KLHDC9: variants seen among roughly 807,000 people sequenced by gnomAD.
KLHDC9 encodes kelch domain-containing protein 9.
A neutral mutation model predicts 31.5 loss-of-function variants in KLHDC9; 26 were observed. The ratio of observed to expected loss-of-function variants is 0.83; its 90% CI spans 0.61 to 1.15. The LOEUF (loss-of-function observed/expected upper bound fraction) is 1.15. KLHDC9 is among the 50% of genes most tolerant of loss of function. The probability of loss-of-function intolerance (pLI) is 0.00; values close to 1 mark genes in which losing one functional copy is unlikely to be tolerated. For missense variants in KLHDC9, 437 were observed against 467.7 expected (o/e 0.93, Z 0.61); for synonymous variants, 176 against 184.7 (o/e 0.95, Z 0.38).
Position 161,100,324 on chromosome 1 carries a change from T to C in KLHDC9, c.*100T>C. 1.6e-6 allele frequency: 2 copies of C among 1,272,108 alleles called. No homozygotes were observed. The highest frequency in any genetic ancestry group is 2.4e-5 in the East Asian group (1 of 42,212). The allele number at this position is 1,272,108 out of a possible 1,614,324, so 78.8% of individuals were successfully genotyped here. On this transcript the variant is annotated 3_prime_UTR_variant, in exon 4 of 4. Transcript: ENST00000368011. ...CTATCTGCTTCACTTCAAATGCTTA[T>C]TAAATTTCAATCTGAGACTCAAGAT... is the stretch of plus-strand genomic sequence containing the variant.
chr1:161,098,832 CG>C lies in KLHDC9; in HGVS notation c.300del (p.Ser101LeufsTer7), dbSNP rs760436928. ...GGCTCTGCGTGGTGGGCGGCTGGGA[CG>C]GGTCTCGCCGCTTGGCCACAGTGAC... ...RWLCVVGGWD[G>X]SRRLATVTAL... On this transcript the variant is annotated frameshift_variant, in exon 1 of 4. Coordinates refer to ENST00000368011, the MANE Select transcript of KLHDC9 (RefSeq NM_152366.5). LOFTEE classifies it high-confidence loss of function. The surrounding 1 kb of genome is among the most constrained non-coding windows in gnomAD (Gnocchi z 6.3). 1.3e-6 allele frequency: 2 copies of C among 1,577,648 alleles called. No individual in the cohort carries two copies. The highest frequency in any genetic ancestry group is 2.3e-5 in the South Asian group (2 of 86,928).
chr1:161,100,277 C>A lies in KLHDC9; in HGVS notation c.*53C>A. ...CGTTTTGTTTTGCTTTGTTGCAAAC[C>A]TATAAAGCGTTATCACCAGAGCTAT... On this transcript the variant is annotated 3_prime_UTR_variant, in exon 4 of 4. Coordinates refer to ENST00000368011, the MANE Select transcript of KLHDC9 (RefSeq NM_152366.5). The A allele has an allele frequency of 6.5e-7, 1 of 1,537,842 alleles. No homozygotes were observed. The highest frequency in any genetic ancestry group is 8.9e-7 in the Non-Finnish European group (1 of 1,120,428).
rs1328130226 is a variant in KLHDC9, at chr1:161,099,354, A to G, written c.536A>G (p.Gln179Arg). The G allele has an allele frequency of 5.0e-6, 8 of 1,614,218 alleles. No individual in the cohort carries two copies. The East Asian group carries it at 1.3e-4, about 27-fold the overall frequency. The change falls in exon 2 of 4, where the codon CAA becomes CGA. Residue 179 changes from glutamine (Q) to arginine (R), a missense_variant. Transcript: ENST00000368011. ...DPSARTYCYK[Q>R]EGCHTASRSG... ...TTTCTGCATGTCCACAGCTACAAGC[A>G]AGAAGGCTGCCACACAGCCTCACGC...
At position 161,098,514 on chromosome 1, in the gene KLHDC9, G is replaced by A. The variant is rs1654410886; in HGVS notation, c.-22G>A. 1 of 1,532,052 alleles carries A rather than the reference G, an allele frequency of 6.5e-7. No homozygotes were observed. The highest frequency in any genetic ancestry group is 1.4e-5 in the African/African-American group (1 of 72,372). 94.9% of individuals were successfully genotyped at this position (1,532,052 alleles called of 1,614,324 possible). ...CTCGTTCCAAGCCGCAGACCCCACC[G>A]CCCTCCCTCTCCCCGGGGCCCATGG... On this transcript the variant is annotated 5_prime_UTR_variant, in exon 1 of 4. Transcript: ENST00000368011. The surrounding 1 kb of genome is among the most constrained non-coding windows in gnomAD (Gnocchi z 6.3).
At position 161,098,946 on chromosome 1, in the gene KLHDC9, C is replaced by T. The variant is rs765950201; in HGVS notation, c.411C>T (p.Cys137=). ...CPPAGLSSHT[C]TRISDRELQV... Reference sequence around the variant, plus strand: ...CCGCCGGCCTCAGTAGTCACACCTGCACCCGAATCTCTGACCGAGAGCTGC... The same window carrying T: ...CCGCCGGCCTCAGTAGTCACACCTGTACCCGAATCTCTGACCGAGAGCTGC... Residue 137 remains cysteine, a synonymous_variant, in exon 1 of 4, where the codon TGC becomes TGT. Coordinates refer to ENST00000368011, the MANE Select transcript of KLHDC9 (RefSeq NM_152366.5). This position sits in a 1 kb window ranked among gnomAD's most constrained non-coding sequence, Gnocchi z 6.3. 1.3e-6 allele frequency: 2 copies of T among 1,586,422 alleles called. No homozygotes were observed. The highest frequency in any genetic ancestry group is 2.3e-5 in the South Asian group (2 of 88,508).
Position 161,098,760 on chromosome 1 carries a change from C to T in KLHDC9, c.225C>T (p.Gly75=), listed in dbSNP as rs1326345515. The T allele has an allele frequency of 3.1e-6, 5 of 1,601,304 alleles. No individual in the cohort carries two copies. The highest frequency in any genetic ancestry group is 4.3e-6 in the Non-Finnish European group (5 of 1,173,840). The change falls in exon 1 of 4, where the codon GGC becomes GGT. Residue 75 remains glycine, a synonymous_variant. Transcript: ENST00000368011. This position sits in a 1 kb window ranked among gnomAD's most constrained non-coding sequence, Gnocchi z 6.3. ...RGQAVRLGAR[G]SPPRSHHDAA... is the part of the protein sequence containing the mutation. ...AGGCCGTACGATTGGGAGCCCGGGGCAGCCCCCCGCGCAGTCACCACGACG... is the reference window on the plus strand; with the variant it reads ...AGGCCGTACGATTGGGAGCCCGGGGTAGCCCCCCGCGCAGTCACCACGACG...
rs1292908973 is a variant in KLHDC9, at chr1:161,098,759, G to A, written c.224G>A (p.Gly75Asp). ...RGQAVRLGAR[G>D]SPPRSHHDAA... ...CAGGCCGTACGATTGGGAGCCCGGG[G>A]CAGCCCCCCGCGCAGTCACCACGAC... The change falls in exon 1 of 4, where the codon GGC becomes GAC. Residue 75 changes from glycine to aspartate, a missense_variant. By Grantham distance (94) the Gly-to-Asp change is moderately conservative. Transcript: ENST00000368011. This position sits in a 1 kb window ranked among gnomAD's most constrained non-coding sequence, Gnocchi z 6.3. 1.9e-6 allele frequency: 3 copies of A among 1,601,668 alleles called. No homozygotes were observed. Among genetic ancestry groups the A allele is most frequent in the Admixed American group, 1.7e-5 (1 of 58,362 alleles).
At position 161,098,920 on chromosome 1, in the gene KLHDC9, C is replaced by A. The variant is rs769322898; in HGVS notation, c.385C>A (p.Pro129Thr). ...AWTGTPGDCP[P>T]AGLSSHTCTR... The stretch of plus-strand genomic sequence containing the variant: ...GACAGGGACCCCTGGTGACTGCCCC[C>A]CCGCCGGCCTCAGTAGTCACACCTG... Residue 129 changes from proline (P) to threonine (T), a missense_variant, in exon 1 of 4, where the codon CCC becomes ACC. Coordinates refer to ENST00000368011, the MANE Select transcript of KLHDC9 (RefSeq NM_152366.5). This position sits in a 1 kb window ranked among gnomAD's most constrained non-coding sequence, Gnocchi z 6.3. The A allele has an allele frequency of 2.5e-6, 4 of 1,572,076 alleles. No homozygotes were observed. Among genetic ancestry groups the A allele is most frequent in the Non-Finnish European group, 2.6e-6 (3 of 1,162,602 alleles).
In KLHDC9 at chr1:161,098,746, T is replaced by C. The variant is rs553965541; in HGVS notation, c.211T>C (p.Leu71=). 27 of 1,606,878 alleles carry C rather than the reference T, an allele frequency of 1.7e-5. No homozygotes were observed. The highest frequency in any genetic ancestry group is 4.0e-5 in the African/African-American group (3 of 74,798). The stretch of plus-strand genomic sequence containing the variant: ...CCCAGCTAGGGGCCAGGCCGTACGA[T>C]TGGGAGCCCGGGGCAGCCCCCCGCG... ...FDPARGQAVR[L]GARGSPPRSH... Residue 71 remains leucine (L), a synonymous_variant, in exon 1 of 4, where the codon TTG becomes CTG. Coordinates refer to ENST00000368011, the MANE Select transcript of KLHDC9 (RefSeq NM_152366.5). This position sits in a 1 kb window ranked among gnomAD's most constrained non-coding sequence, Gnocchi z 6.3.
Position 161,099,912 on chromosome 1 carries a change from G to T in KLHDC9, c.886+116G>T, listed in dbSNP as rs146809694. ...GAGGAGGAAAAATTAGTTGACAGGAGTTAAAGGAGTACACAGAATATTAAG... is the reference window on the plus strand; with the variant it reads ...GAGGAGGAAAAATTAGTTGACAGGATTTAAAGGAGTACACAGAATATTAAG... On this transcript the variant is annotated intron_variant, in intron 3 of 3. Coordinates refer to ENST00000368011, the MANE Select transcript of KLHDC9 (RefSeq NM_152366.5). 26 of 1,329,616 alleles carry T rather than the reference G, an allele frequency of 2.0e-5. No individual in the cohort carries two copies. In the East Asian group the frequency reaches 6.0e-4, roughly 31 times the overall value. The allele number at this position is 1,329,616 out of a possible 1,614,324, so 82.4% of individuals were successfully genotyped here.
Position 161,099,515 on chromosome 1 carries a change from CCT to C in KLHDC9, c.687+12_687+13del, listed in dbSNP as rs1295340354. ...TCATGGGAAAATTAAGGTATTAGCT[CCT>C]CACACATCTTGTTTAGGATGGGAAG... On this transcript the variant is annotated intron_variant, in intron 2 of 3. Coordinates refer to ENST00000368011, the MANE Select transcript of KLHDC9 (RefSeq NM_152366.5). 1 of 1,614,168 alleles carries C rather than the reference CCT, an allele frequency of 6.2e-7. No homozygotes were observed. Among genetic ancestry groups the C allele is most frequent in the Non-Finnish European group, 8.5e-7 (1 of 1,179,990 alleles).
At chr1:161,099,840 T>C (rs372917171) in intron 3 of KLHDC9, 44 bp downstream of exon 3, 2 of 1,525,416 alleles carry the variant, frequency 1.3e-6, no homozygotes, top group Admixed American at 1.7e-5. Flanking sequence ...GGTGGGAAGA[T>C]GGGGGAACCT....
Position 161,099,514 on chromosome 1 carries a change from T to A in KLHDC9, c.687+9T>A, listed in dbSNP as rs772512875. The A allele has an allele frequency of 6.2e-7, 1 of 1,614,220 alleles. No homozygotes were observed. The highest frequency in any genetic ancestry group is 2.2e-5 in the East Asian group (1 of 44,890). ...GTCATGGGAAAATTAAGGTATTAGC[T>A]CCTCACACATCTTGTTTAGGATGGG... On this transcript the variant is annotated intron_variant, in intron 2 of 3. Transcript: ENST00000368011.
chr1:161,098,405 G>A lies in KLHDC9; in HGVS notation c.-131G>A, dbSNP rs989971001. 6 of 791,272 alleles carry A rather than the reference G, an allele frequency of 7.6e-6. No homozygotes were observed. The African/African-American group carries it at 9.0e-5, about 12-fold the overall frequency. 49.0% of individuals were successfully genotyped at this position (791,272 alleles called of 1,614,324 possible). ...CACGGAGAGAAAGCCGGGACTTGAG[G>A]TGGGAACCCCGGCTGGCGTCCGGTA... On this transcript the variant is annotated 5_prime_UTR_variant, in exon 1 of 4. The change creates a new upstream start codon in the 5' untranslated region. Transcript: ENST00000368011. The surrounding 1 kb of genome is among the most constrained non-coding windows in gnomAD (Gnocchi z 6.3).
At chr1:161,099,920 A>G in intron 3 of KLHDC9, 124 bp downstream of exon 3, 1 of 1,316,732 alleles carries the variant, frequency 7.6e-7, no homozygotes, top group Non-Finnish European at 1.1e-6. Context: ...GAGTTAAAGG[A>G]GTACACAGAA....
chr1:161,099,749 C>T lies in KLHDC9; in HGVS notation c.839C>T (p.Thr280Ile), dbSNP rs749145306. The change falls in exon 3 of 4, where the codon ACC becomes ATC. Residue 280 changes from threonine (T) to isoleucine (I), a missense_variant. Physicochemically the swap from Thr to Ile is moderately conservative, Grantham distance 89 (BLOSUM62 -1). Transcript: ENST00000368011. ...FAVLFGGETL[T>I]RARDTICNDL... ...GTGCTGTTTGGTGGAGAAACTCTGA[C>T]CAGAGCTAGAGACACCATCTGCAAT... The T allele has an allele frequency of 3.2e-5, 51 of 1,613,930 alleles. No individual in the cohort carries two copies. The highest frequency in any genetic ancestry group is 4.2e-5 in the Non-Finnish European group (49 of 1,179,976).
chr1:161,098,521 C>G lies in KLHDC9; in HGVS notation c.-15C>G. The G allele has an allele frequency of 6.5e-7, 1 of 1,538,042 alleles. No individual in the cohort carries two copies. Among genetic ancestry groups the G allele is most frequent in the South Asian group, 1.2e-5 (1 of 82,984 alleles). On this transcript the variant is annotated 5_prime_UTR_variant, in exon 1 of 4. Transcript: ENST00000368011. This position sits in a 1 kb window ranked among gnomAD's most constrained non-coding sequence, Gnocchi z 6.3. ...CAAGCCGCAGACCCCACCGCCCTCC[C>G]TCTCCCCGGGGCCCATGGCGGTGGC...
chr1:161,099,637 G>C lies in KLHDC9; in HGVS notation c.727G>C (p.Ala243Pro). The C allele has an allele frequency of 1.2e-6, 2 of 1,614,244 alleles. No individual in the cohort carries two copies. The highest frequency in any genetic ancestry group is 1.7e-6 in the Non-Finnish European group (2 of 1,180,048). ...TGCTCCTCATTTGATGGAACAGCTT[G>C]CAAGGCTTGTGAGCAGTGGGCAGGG... ...PVAPHLMEQL[A>P]RLVSSGQGSQ... Residue 243 changes from alanine to proline, a missense_variant, in exon 3 of 4, where the codon GCA becomes CCA. Coordinates refer to ENST00000368011, the MANE Select transcript of KLHDC9 (RefSeq NM_152366.5).
In KLHDC9 at chr1:161,098,491, C is replaced by T; in HGVS notation, c.-45C>T. 1 of 1,480,236 alleles carries T rather than the reference C, an allele frequency of 6.8e-7. No homozygotes were observed. The highest frequency in any genetic ancestry group is 9.0e-7 in the Non-Finnish European group (1 of 1,109,512). 91.7% of individuals were successfully genotyped at this position (1,480,236 alleles called of 1,614,324 possible). ...GTGCCTGGCCTGCCATGTAGGGGCTCGTTCCAAGCCGCAGACCCCACCGCC... is the reference window on the plus strand; with the variant it reads ...GTGCCTGGCCTGCCATGTAGGGGCTTGTTCCAAGCCGCAGACCCCACCGCC... On this transcript the variant is annotated 5_prime_UTR_variant, in exon 1 of 4. Transcript: ENST00000368011. The surrounding 1 kb of genome is among the most constrained non-coding windows in gnomAD (Gnocchi z 6.3).
Sources: allele counts gnomAD v4.1 joint callset, GRCh38; gene constraint gnomAD v4.1.1; non-coding constraint Gnocchi (gnomAD v3.1); transcripts MANE v1.5; gene names NCBI Gene and HGNC (gene_info 2026-07-23, HGNC 2026-07-21).